SLC6A9: variants seen among roughly 807,000 people sequenced by gnomAD.
SLC6A9 encodes sodium- and chloride-dependent glycine transporter 1.
In SLC6A9, 31 loss-of-function variants were observed where a neutral mutation model predicts 70.9. The ratio of observed to expected loss-of-function variants is 0.44; its 90% confidence interval spans 0.33 to 0.59. The LOEUF (loss-of-function observed/expected upper bound fraction) is 0.59, where lower values mean the gene tolerates loss of function less well. SLC6A9 is among the 20% of genes least tolerant of loss of function. The pLI is 0.04. For synonymous variants in SLC6A9, 310 were observed against 341.3 expected, an observed-to-expected ratio of 0.91 and a Z score of 1.01; for missense variants, 631 against 845.2, an observed-to-expected ratio of 0.75 and a Z score of 3.14.
chr1:44,009,929 G>T, intron 4 of SLC6A9, 36 bp downstream of exon 4: 1 of 1,609,682 alleles, frequency 6.2e-7, no homozygotes, highest in Non-Finnish European at 8.5e-7. Flanking sequence ...TTGTGTGTTT[G>T]TGTATGTGTG....
At chr1:44,009,413 C>G (rs932621204) in intron 4 of SLC6A9, among the ~76,000 whole-genome samples, 2 of 152,044 alleles carry the variant, frequency 1.3e-5, no homozygotes, top group African/African-American at 4.8e-5. Context: ...TTAGTAGAGA[C>G]AGGGTTTCAC....
rs1571865516 is a variant in SLC6A9, at chr1:44,006,150, A to T, written c.590+2203T>A. ...CACCCCAGACTAGATCAAGTTGACCAGTCCACATCATGCCTCAAATGTAAT... is the reference window on the plus strand; with the variant it reads ...CACCCCAGACTAGATCAAGTTGACCTGTCCACATCATGCCTCAAATGTAAT... On this transcript the variant is annotated intron_variant, in intron 5 of 13. Transcript: ENST00000372310. Among the ~76,000 whole-genome samples, 3 of 152,204 alleles carry T rather than the reference A, an allele frequency of 2.0e-5. No individual in the cohort carries two copies. In the East Asian group the frequency reaches 5.8e-4, roughly 29 times the overall value.
intron 1 of SLC6A9, among the ~76,000 whole-genome samples, chr1:44,029,432 C>G (rs1360177513): frequency 3.3e-5 from 5 of 152,212 alleles, no homozygotes; most frequent in Non-Finnish European, 5.9e-5. Context: ...GACTACCCAG[C>G]ACTTGCAGAG....
chr1:44,030,387 C>A (rs1021436848), intron 1 of SLC6A9: 1 of 152,324 alleles, frequency 6.6e-6, no homozygotes, highest in Non-Finnish European at 1.5e-5. Context: ...CCGGCACCGG[C>A]CCCTCCCGGC....
chr1:44,019,167 G>T (rs1246105960), intron 2 of SLC6A9, among the ~76,000 whole-genome samples: 2 of 152,198 alleles, frequency 1.3e-5, no homozygotes, highest in Admixed American at 6.5e-5. Context: ...GTAAGTGCTT[G>T]CTGTGGGCCA....
At chr1:44,012,383 C>T (rs1042692906) in intron 2 of SLC6A9, among the ~76,000 whole-genome samples, 1 of 152,244 alleles carries the variant, frequency 6.6e-6, no homozygotes, top group African/African-American at 2.4e-5. Flanking sequence ...CCACCCTGTG[C>T]TCTCAATCCA....
At chr1:44,024,473 G>A (rs754808918) in intron 1 of SLC6A9, 111 bp from the exon 2 acceptor site, 7 of 645,622 alleles carry the variant, frequency 1.1e-5, no homozygotes, top group Admixed American at 2.5e-5. Context: ...CCTCTGCCAG[G>A]CCATGTCCAT....
chr1:44,000,939 G>A lies in SLC6A9; in HGVS notation c.1435+17C>T. 1.2e-6 allele frequency: 2 copies of A among 1,603,082 alleles called. No individual in the cohort carries two copies. Among genetic ancestry groups the A allele is most frequent in the Non-Finnish European group, 8.5e-7 (1 of 1,173,380 alleles). On this transcript the variant is annotated intron_variant, in intron 11 of 13. Coordinates refer to ENST00000372310, the MANE Select transcript of SLC6A9 (RefSeq NM_001024845.3). ...CCAAGGGCCGGGTCGCGGGAGGCCG[G>A]AGGCTCGAGTGCTCACCGTAGATGT...
At chr1:44,025,955 C>T (rs765082213) in intron 1 of SLC6A9, among the ~76,000 whole-genome samples, 1 of 152,244 alleles carries the variant, frequency 6.6e-6, no homozygotes, top group African/African-American at 2.4e-5. Context: ...GTCAAGGGCC[C>T]CTTCTCACCT....
At chr1:43,998,269 C>T (rs1268877535) in intron 12 of SLC6A9, among the ~76,000 whole-genome samples, 2 of 152,188 alleles carry the variant, frequency 1.3e-5, no homozygotes, top group Non-Finnish European at 2.9e-5. Flanking sequence ...CCTGAACTGG[C>T]CAAGCACAGT....
intron 3 of SLC6A9, chr1:44,010,308 A>T: frequency 1.8e-6 from 1 of 559,656 alleles, no homozygotes. Context: ...TTGGAGTGGA[A>T]TCCAGGTCCC....
At chr1:44,019,597 G>A (rs529645937) in intron 2 of SLC6A9, among the ~76,000 whole-genome samples, 3 of 152,370 alleles carry the variant, frequency 2.0e-5, no homozygotes, top group Non-Finnish European at 2.9e-5. Context: ...GGCCTGGGCC[G>A]GGTGCCCAGA....
chr1:44,008,695 TTTTTC>T (rs1193187607), intron 4 of SLC6A9, 72 bp from the exon 5 acceptor site: 55 of 1,280,174 alleles, frequency 4.3e-5, no homozygotes, highest in Admixed American at 1.2e-4. Context: ...TAATTTCTTT[TTTTTC>T]TTTTCTTTTC....
At chr1:44,004,488 T>C (rs1278542504) in intron 5 of SLC6A9, among the ~76,000 whole-genome samples, 1 of 152,048 alleles carries the variant, frequency 6.6e-6, no homozygotes, top group African/African-American at 2.4e-5. Context: ...TGGGACTACA[T>C]GTGTGCACCA....
At chr1:44,000,730 G>T in intron 12 of SLC6A9, 37 bp downstream of exon 12, 1 of 1,348,340 alleles carries the variant, frequency 7.4e-7, no homozygotes, top group South Asian at 1.3e-5. Context: ...TGGCCAAGGG[G>T]CAGCGGGGGA....
At chr1:44,023,091 C>T (rs1018083061) in intron 2 of SLC6A9, among the ~76,000 whole-genome samples, 1 of 152,076 alleles carries the variant, frequency 6.6e-6, no homozygotes, top group African/African-American at 2.4e-5. Flanking sequence ...TCAGTAGAGA[C>T]ACCAGGCCAA....
chr1:44,021,575 C>A (rs745651604), intron 2 of SLC6A9, among the ~76,000 whole-genome samples: 5 of 152,210 alleles, frequency 3.3e-5, no homozygotes, highest in Non-Finnish European at 7.3e-5. Context: ...ATGGTAGGGG[C>A]CAGTGCCTGC....
intron 12 of SLC6A9, among the ~76,000 whole-genome samples, chr1:43,999,686 C>T (rs76906608): frequency 0.037 from 5,700 of 152,244 alleles, 187 homozygotes; most frequent in African/African-American, 0.091. Flanking sequence ...CACAACCTAC[C>T]GGGTAGAGGC....
In SLC6A9 at chr1:44,010,065, G is replaced by A. The variant is rs752331240; in HGVS notation, c.219C>T (p.Leu73=). ...GAFMFPYFIM[L]IFCGIPLFFM... Reference sequence around the variant, plus strand: ...AGAAGAGGGGGATCCCGCAGAAGATGAGCATGATGAAGTAGGGGAACATGA... The same window carrying A: ...AGAAGAGGGGGATCCCGCAGAAGATAAGCATGATGAAGTAGGGGAACATGA... Residue 73 remains leucine (L), a synonymous_variant, in exon 4 of 14, where the codon CTC becomes CTT. Transcript: ENST00000372310. 51 of 1,613,960 alleles carry A rather than the reference G, an allele frequency of 3.2e-5. No individual in the cohort carries two copies. Among genetic ancestry groups the A allele is most frequent in the Non-Finnish European group, 3.5e-5 (41 of 1,179,972 alleles).
Sources: gnomAD v4.1 joint callset for allele counts (sites outside exome capture counted in the v4.1 genomes callset) on GRCh38, gnomAD v4.1.1 for gene constraint, MANE v1.5 for transcripts, NCBI Gene and HGNC (gene_info 2026-07-23, HGNC 2026-07-21) for gene names.